The following AAMDC variants were observed in gnomAD, a reference collection of about 807,000 sequenced individuals.
The protein encoded by AAMDC is adipogenesis associated Mth938 domain containing, also known as mth938 domain-containing protein.
A neutral mutation model predicts 15.5 loss-of-function variants in AAMDC; 16 were observed. The ratio of observed to expected loss-of-function variants is 1.03; its 90% confidence interval spans 0.70 to 1.57. AAMDC has a LOEUF of 1.57. Among genes scored for constraint, AAMDC ranks in the 40% most tolerant of loss-of-function variants. AAMDC has a pLI of 0.00. For missense variants in AAMDC, 141 were observed against 144.9 expected (o/e 0.97, Z 0.14); for synonymous variants, 51 against 51.6 (o/e 0.99, Z 0.05).
Position 77,845,670 on chromosome 11 carries a change from T to C in AAMDC, c.132+3042T>C, listed in dbSNP as rs184088594. Among the ~76,000 whole-genome samples the C allele has an allele frequency of 3.2e-3, 492 of 152,306 alleles. 3 individuals are homozygous for C. Among genetic ancestry groups the C allele is most frequent in the Non-Finnish European group, 5.9e-3 (399 of 68,024 alleles). ...GTCTCAAATTCCTGACCTCAAGTGA[T>C]CCACCCACCTCGGCCTCCCAAAGTG... On this transcript the variant is annotated intron_variant, in intron 2 of 3. Transcript: ENST00000393427.
chr11:77,846,234 T>TAA (rs1950142359), intron 2 of AAMDC, among the ~76,000 whole-genome samples: 1 of 152,224 alleles, frequency 6.6e-6, no homozygotes, highest in African/African-American at 2.4e-5. Context: ...TGGAATCAGA[T>TAA]GTTTAGATTT....
chr11:77,888,982 G>A (rs1172091512), intron 5 of AAMDC, among the ~76,000 whole-genome samples: 1 of 152,208 alleles, frequency 6.6e-6, no homozygotes, highest in African/African-American at 2.4e-5. Flanking sequence ...TGGTGGGACT[G>A]TAAACTAGTT....
At chr11:77,854,367 G>A (rs890397936) in intron 2 of AAMDC, among the ~76,000 whole-genome samples, 2 of 152,198 alleles carry the variant, frequency 1.3e-5, no homozygotes, top group African/African-American at 4.8e-5. Flanking sequence ...TACAAGGCAA[G>A]TCTCTTCTGC....
At chr11:77,886,839 T>C (rs1229379558) in intron 5 of AAMDC, among the ~76,000 whole-genome samples, 2 of 152,134 alleles carry the variant, frequency 1.3e-5, no homozygotes, top group Non-Finnish European at 2.9e-5. Flanking sequence ...AACCTGCTCC[T>C]GAATGACTAC....
At chr11:77,852,865 G>T (rs1950457029) in intron 2 of AAMDC, among the ~76,000 whole-genome samples, 1 of 151,954 alleles carries the variant, frequency 6.6e-6, no homozygotes. Context: ...AGTTCATAGA[G>T]ATATGTCTTT....
chr11:77,898,126 T>C (rs1420742575), intron 5 of AAMDC, among the ~76,000 whole-genome samples: 2 of 151,604 alleles, frequency 1.3e-5, no homozygotes, highest in Non-Finnish European at 2.9e-5. Flanking sequence ...CAAATTGTTA[T>C]TATTATTTTT....
chr11:77,891,692 G>C, intron 5 of AAMDC: 1 of 1,612,036 alleles, frequency 6.2e-7, no homozygotes, highest in Non-Finnish European at 8.5e-7. Flanking sequence ...TGCTCTGGAA[G>C]CGGGAGATGC....
At chr11:77,835,782 G>A (rs907579987) in intron 1 of AAMDC, among the ~76,000 whole-genome samples, 32 of 152,032 alleles carry the variant, frequency 2.1e-4, no homozygotes, top group Non-Finnish European at 4.4e-4. Context: ...TTAACCAGGC[G>A]TGGTGGCATG....
At chr11:77,838,606 T>C (rs1042950149) in intron 1 of AAMDC, among the ~76,000 whole-genome samples, 2 of 149,290 alleles carry the variant, frequency 1.3e-5, no homozygotes, top group Admixed American at 6.8e-5. Flanking sequence ...CCCTGACTGA[T>C]ACAAGTACCT....
At chr11:77,881,739 T>G (rs1156529224) in intron 5 of AAMDC, among the ~76,000 whole-genome samples, 5 of 152,168 alleles carry the variant, frequency 3.3e-5, no homozygotes, top group Non-Finnish European at 7.4e-5. Flanking sequence ...GACAAGCAAG[T>G]TCCCTGCTCT....
chr11:77,861,738 G>A (rs1276878421), intron 2 of AAMDC, among the ~76,000 whole-genome samples: 2 of 152,176 alleles, frequency 1.3e-5, no homozygotes, highest in African/African-American at 4.8e-5. Context: ...GCCTTTCCGT[G>A]TTCCAGAGCC....
chr11:77,892,873 G>A (rs1488414552), intron 5 of AAMDC, among the ~76,000 whole-genome samples: 1 of 152,160 alleles, frequency 6.6e-6, no homozygotes, highest in Admixed American at 6.5e-5. Flanking sequence ...GTGAGCCACC[G>A]TGCCCAGCCT....
chr11:77,848,795 T>C (rs1348890371), intron 2 of AAMDC, among the ~76,000 whole-genome samples: 1 of 152,070 alleles, frequency 6.6e-6, no homozygotes, highest in Non-Finnish European at 1.5e-5. Context: ...CTACTACATA[T>C]TGTTATCCTC....
chr11:77,893,771 T>G (rs1245300521), intron 5 of AAMDC, among the ~76,000 whole-genome samples: 2 of 152,040 alleles, frequency 1.3e-5, no homozygotes, highest in African/African-American at 4.8e-5. Context: ...CAGGCACCTG[T>G]AGTGCCAACT....
At chr11:77,842,720 T>C in intron 2 of AAMDC, 92 bp downstream of exon 2, 26 of 1,521,476 alleles carry the variant, frequency 1.7e-5, no homozygotes, top group Non-Finnish European at 2.3e-5. Flanking sequence ...AAACTATTTC[T>C]CTTGTGTCTT....
chr11:77,881,646 A>G (rs1457697957), intron 5 of AAMDC, among the ~76,000 whole-genome samples: 1 of 152,226 alleles, frequency 6.6e-6, no homozygotes, highest in Non-Finnish European at 1.5e-5. Context: ...CCTTGTATTC[A>G]ATTTTCATTA....
intron 1 of AAMDC, chr11:77,841,194 G>A (rs1197391324): frequency 1.0e-5 from 7 of 702,156 alleles, no homozygotes; most frequent in South Asian, 3.0e-5. Context: ...TCATGAGGGT[G>A]GAACCCTCAT....
rs577403351 is a variant in AAMDC, at chr11:77,841,437, T to A, written c.-18-1042T>A. 9.5e-4 allele frequency among the ~76,000 whole-genome samples: 144 copies of A among 152,362 alleles called. 1 individual carries two copies. The highest frequency in any genetic ancestry group is 1.5e-3 in the Non-Finnish European group (102 of 68,040). ...TCCTTGGTGTGTATATAGCTTAGTG[T>A]TCAGCCAAACATTAATTAAACATTT... On this transcript the variant is annotated intron_variant, in intron 1 of 3. Coordinates refer to ENST00000393427, the MANE Select transcript of AAMDC (RefSeq NM_024684.4).
At chr11:77,901,390 G>A (rs1177829541), downstream of AAMDC, 3 of 1,611,844 alleles carry the variant, frequency 1.9e-6, no homozygotes, top group Admixed American at 3.3e-5. Context: ...AAAGGAACAT[G>A]CCACATATTT....
Sources: allele counts gnomAD v4.1 joint callset (sites outside exome capture counted in the v4.1 genomes callset), GRCh38; gene constraint gnomAD v4.1.1; transcripts MANE v1.5; gene names NCBI Gene and HGNC (gene_info 2026-07-23, HGNC 2026-07-21).